SORCS1: variants seen among roughly 807,000 people sequenced by gnomAD.
SORCS1 encodes the protein sortilin related VPS10 domain containing receptor 1, also known as VPS10 domain-containing receptor SorCS1.
Under a neutral mutation model 146.1 loss-of-function variants are expected in SORCS1, and 60 were observed. That is an observed-to-expected ratio of 0.41 (90% CI 0.33 to 0.51). The LOEUF is 0.51. SORCS1 is among the 20% of genes least tolerant of loss of function. The pLI is 0.21. For missense variants in SORCS1, 1,352 were observed against 1,487.6 expected, an observed-to-expected ratio of 0.91 and a Z score of 1.50; for synonymous variants, 637 against 584.0, an observed-to-expected ratio of 1.09 and a Z score of -1.31.
chr10:106,894,270 C>CTT (rs980909934), intron 2 of SORCS1, among the ~76,000 whole-genome samples: 1 of 141,456 alleles, frequency 7.1e-6, no homozygotes, highest in Non-Finnish European at 1.6e-5. Context: ...CGCACGTGTG[C>CTT]GTGTGTGTGT....
intron 7 of SORCS1, among the ~76,000 whole-genome samples, chr10:106,708,245 G>GGGGTGTGT (rs548867982): frequency 2.7e-5 from 4 of 148,700 alleles, no homozygotes; most frequent in African/African-American, 9.8e-5. Context: ...ATAAAGAAAT[G>GGGGTGTGT]GTGTGTGTGT....
chr10:106,841,816 C>T (rs1362718165), intron 2 of SORCS1, among the ~76,000 whole-genome samples: 8 of 152,136 alleles, frequency 5.3e-5, no homozygotes, highest in African/African-American at 1.9e-4. Context: ...CCATAGTTTC[C>T]AGTCACCTAC....
the SORCS1 span, among the ~76,000 whole-genome samples, chr10:107,175,310 G>A: frequency 4.6e-5 from 7 of 152,180 alleles, no homozygotes; most frequent in Admixed American, 4.6e-4. Flanking sequence ...TATTCTGGGG[G>A]AGTTCGTGTA....
intron 1 of SORCS1, among the ~76,000 whole-genome samples, chr10:106,989,688 T>G (rs7909274): frequency 0.51 from 65,851 of 130,242 alleles, 17,497 homozygotes; most frequent in East Asian, 0.76. Flanking sequence ...TTGTTTTTTT[T>G]TTTTTTTTTT....
At chr10:106,714,691 A>C (rs1462318985) in intron 6 of SORCS1, among the ~76,000 whole-genome samples, 1 of 152,210 alleles carries the variant, frequency 6.6e-6, no homozygotes, top group Non-Finnish European at 1.5e-5. Context: ...ATGAGATGTC[A>C]ACAACAGCGG....
upstream of SORCS1, among the ~76,000 whole-genome samples, chr10:107,168,766 A>T: frequency 6.6e-6 from 1 of 151,270 alleles, no homozygotes. Context: ...TCACACAGCA[A>T]TTAGTGCAAA....
chr10:106,806,585 C>T (rs1162320344), intron 3 of SORCS1, among the ~76,000 whole-genome samples: 5 of 130,200 alleles, frequency 3.8e-5, no homozygotes, highest in African/African-American at 5.9e-5. Context: ...GCATGATCTC[C>T]GGTCACTGCA....
intron 2 of SORCS1, among the ~76,000 whole-genome samples, chr10:106,844,872 G>A (rs1353921894): frequency 2.0e-5 from 3 of 149,154 alleles, no homozygotes; most frequent in African/African-American, 4.9e-5. Flanking sequence ...GAGAATGATG[G>A]TTTCCAATTT....
intron 1 of SORCS1, among the ~76,000 whole-genome samples, chr10:107,027,512 G>T (rs754792765): frequency 6.6e-6 from 1 of 152,052 alleles, no homozygotes; most frequent in African/African-American, 2.4e-5. Flanking sequence ...AGCAATATTC[G>T]CTCTGTATGA....
At chr10:106,651,144 C>G (rs754742372) in intron 18 of SORCS1, among the ~76,000 whole-genome samples, 2 of 152,192 alleles carry the variant, frequency 1.3e-5, no homozygotes, top group Non-Finnish European at 2.9e-5. Context: ...GTTACACAGT[C>G]TGTAAATGGC....
intron 24 of SORCS1, among the ~76,000 whole-genome samples, chr10:106,595,917 T>C (rs1845877716): frequency 6.6e-6 from 1 of 152,238 alleles, no homozygotes; most frequent in Admixed American, 6.5e-5. Context: ...TTAAATTTCC[T>C]ATACAGCTTT....
At chr10:106,689,040 G>C in intron 9 of SORCS1, among the ~76,000 whole-genome samples, 1 of 152,134 alleles carries the variant, frequency 6.6e-6, no homozygotes, top group Admixed American at 6.5e-5. Context: ...TAAGAGGACA[G>C]CTTTTAAATT....
chr10:106,871,455 A>T (rs1268323396), intron 2 of SORCS1, among the ~76,000 whole-genome samples: 1 of 152,254 alleles, frequency 6.6e-6, no homozygotes, highest in Non-Finnish European at 1.5e-5. Context: ...TGTTCATTAC[A>T]GCACAATTCA....
At chr10:106,799,732 C>T (rs574068868) in intron 3 of SORCS1, among the ~76,000 whole-genome samples, 12 of 152,266 alleles carry the variant, frequency 7.9e-5, no homozygotes, top group African/African-American at 2.2e-4. Flanking sequence ...CAGGAAACAA[C>T]ACGTGCTGGA....
intron 19 of SORCS1, 89 bp downstream of exon 19, chr10:106,629,113 T>C: frequency 3.4e-6 from 4 of 1,160,354 alleles, no homozygotes; most frequent in Non-Finnish European, 4.9e-6. Flanking sequence ...ATAACTAGTG[T>C]ACTTCTTCTA....
chr10:107,178,472 T>C, the SORCS1 span, among the ~76,000 whole-genome samples: 2 of 151,098 alleles, frequency 1.3e-5, no homozygotes, highest in Admixed American at 1.3e-4. Flanking sequence ...GATTTCATTC[T>C]CTTTAAAATT....
intron 2 of SORCS1, among the ~76,000 whole-genome samples, chr10:106,864,358 G>A (rs891911842): frequency 9.2e-5 from 14 of 152,048 alleles, no homozygotes; most frequent in African/African-American, 3.4e-4. Flanking sequence ...GGGAACCCAC[G>A]CTTCTCCCGT....
chr10:106,996,418 A>C (rs771455807), intron 1 of SORCS1, among the ~76,000 whole-genome samples: 5 of 152,126 alleles, frequency 3.3e-5, no homozygotes, highest in Non-Finnish European at 7.3e-5. Context: ...CTTTCATAGA[A>C]TCAGATAACT....
At chr10:106,672,791 T>C in intron 15 of SORCS1, 77 bp downstream of exon 15, 1 of 1,234,438 alleles carries the variant, frequency 8.1e-7, no homozygotes, top group Non-Finnish European at 1.2e-6. Context: ...CTAGTTCCTA[T>C]ACCTTAGCAA....
Sources: gnomAD v4.1 joint callset for allele counts (sites outside exome capture counted in the v4.1 genomes callset) on GRCh38, gnomAD v4.1.1 for gene constraint, MANE v1.5 for transcripts, NCBI Gene and HGNC (gene_info 2026-07-23, HGNC 2026-07-21) for gene names.